The following ENDOU variants were observed in gnomAD, a reference collection of about 807,000 sequenced individuals.
ENDOU encodes endonuclease, poly(U) specific, also known as uridylate-specific endoribonuclease.
Under a neutral mutation model 54.2 loss-of-function variants are expected in ENDOU, and 49 were observed. That is an observed-to-expected ratio of 0.90 (90% confidence interval 0.72 to 1.15). The LOEUF is 1.15. Ranked by LOEUF, ENDOU falls within the 50% of genes most tolerant of loss-of-function variation. ENDOU has a pLI of 0.00. For missense variants in ENDOU, 458 were observed against 511.4 expected, an observed-to-expected ratio of 0.90 and a Z score of 1.01; for synonymous variants, 172 against 190.5, an observed-to-expected ratio of 0.90 and a Z score of 0.80.
rs200724267 is a variant in ENDOU, at chr12:47,712,621, A to G, written c.867T>C (p.Gly289=). The G allele has an allele frequency of 3.8e-5, 61 of 1,610,614 alleles. No homozygotes were observed. The highest frequency in any genetic ancestry group is 4.8e-5 in the Non-Finnish European group (57 of 1,177,366). Residue 289 remains glycine (G), a splice_region_variant and synonymous_variant, in exon 8 of 10, where the codon GGT becomes GGC. Transcript: ENST00000422538. Reference sequence around the variant, plus strand: ...CAGTAACCTTGCCTTTTTTTACCTCACCTATAATAAAGAGTCCAAGATGGA... The same window carrying G: ...CAGTAACCTTGCCTTTTTTTACCTCGCCTATAATAAAGAGTCCAAGATGGA... ...DSSGFEHVFS[G]EVKKGKVTGF...
chr12:47,724,430 G>A (rs570300442), intron 1 of ENDOU, among the ~76,000 whole-genome samples: 2 of 152,248 alleles, frequency 1.3e-5, no homozygotes, highest in East Asian at 1.9e-4. Context: ...GACCCCAAGC[G>A]GAAGTTTCTC....
chr12:47,712,574 A>C lies in ENDOU; in HGVS notation c.914T>G (p.Phe305Cys), dbSNP rs1940067976. 1.2e-6 allele frequency: 2 copies of C among 1,614,198 alleles called. No individual in the cohort carries two copies. The highest frequency in any genetic ancestry group is 1.7e-6 in the Non-Finnish European group (2 of 1,180,028). Residue 305 changes from phenylalanine (F) to cysteine (C), a missense_variant, in exon 8 of 10, where the codon TTC (phenylalanine) becomes TGC (cysteine). Coordinates refer to ENST00000422538, the MANE Select transcript of ENDOU (RefSeq NM_001172439.2). ...CAGACCCTCCTTCTCCTCCAGGTAG[A>C]AGCGGATCCAGTTATGGAAGCCAGT... Reference protein sequence around the residue: ...KVTGFHNWIRFYLEEKEGLVD... With the variant: ...KVTGFHNWIRCYLEEKEGLVD...
intron 3 of ENDOU, 179 bp downstream of exon 3, chr12:47,717,950 C>A: frequency 1.6e-6 from 1 of 635,044 alleles, no homozygotes; most frequent in Admixed American, 3.0e-5. Context: ...CCTCCCATGG[C>A]CCCCCAGGCT....
intron 1 of ENDOU, among the ~76,000 whole-genome samples, chr12:47,721,285 A>T (rs1940424664): frequency 6.6e-6 from 1 of 152,132 alleles, no homozygotes; most frequent in Non-Finnish European, 1.5e-5. Flanking sequence ...CAGTGTTGCC[A>T]GAGCCTTCCC....
Position 47,724,110 on chromosome 12 carries a change from G to C in ENDOU, c.55+1249C>G, listed in dbSNP as rs201253838. On this transcript the variant is annotated intron_variant, in intron 1 of 9. Coordinates refer to ENST00000422538, the MANE Select transcript of ENDOU (RefSeq NM_001172439.2). The stretch of plus-strand genomic sequence containing the variant: ...CACTTCTAAAGCCACTGCTACCTCT[G>C]CCCCCCAGGGACCAAATATCCAGAG... 3.5e-4 allele frequency among the ~76,000 whole-genome samples: 54 copies of C among 152,256 alleles called. No individual in the cohort carries two copies. In the East Asian group the frequency reaches 0.01, roughly 28 times the overall value.
chr12:47,711,526 G>T, intron 9 of ENDOU, 107 bp downstream of exon 9: 2 of 1,312,076 alleles, frequency 1.5e-6, no homozygotes, highest in Non-Finnish European at 2.1e-6. Context: ...ATTTGTCCAA[G>T]CCCTCTCAGC....
chr12:47,725,370 A>AG lies in ENDOU; in HGVS notation c.43dup (p.Leu15ProfsTer15). 6.2e-7 allele frequency: 1 copy of AG among 1,614,214 alleles called. No homozygotes were observed. Among genetic ancestry groups the AG allele is most frequent in the South Asian group, 1.1e-5 (1 of 91,084 alleles). On this transcript the variant is annotated frameshift_variant, in exon 1 of 10. Coordinates refer to ENST00000422538, the MANE Select transcript of ENDOU (RefSeq NM_001172439.2). LOFTEE classifies it high-confidence loss of function. ...AGATAGTGACTTACCAGCCCAGGCC[A>AG]GGCCACACAGCACGGCCAATACCAG... is the stretch of plus-strand genomic sequence containing the variant.
At chr12:47,712,704 G>T in intron 7 of ENDOU, 82 bp from the exon 8 acceptor site, 1 of 1,020,092 alleles carries the variant, frequency 9.8e-7, no homozygotes, top group African/African-American at 1.7e-5. Flanking sequence ...CCCATGCCAA[G>T]GCTTCCCCCT....
rs1940551863 is a variant in ENDOU at position 47,725,348 on chromosome 12, T to G, written c.55+11A>C. On this transcript the variant is annotated intron_variant, in intron 1 of 9. Coordinates refer to ENST00000422538, the MANE Select transcript of ENDOU (RefSeq NM_001172439.2). Reference sequence around the variant, plus strand: ...CACCAGCAATCCCATGCCCGCCAGATAGTGACTTACCAGCCCAGGCCAGGC... The same window carrying G: ...CACCAGCAATCCCATGCCCGCCAGAGAGTGACTTACCAGCCCAGGCCAGGC... 6.2e-7 allele frequency: 1 copy of G among 1,613,968 alleles called. No individual in the cohort carries two copies. Among genetic ancestry groups the G allele is most frequent in the African/African-American group, 1.3e-5 (1 of 75,020 alleles).
chr12:47,717,747 ACT>A, intron 3 of ENDOU, 92 bp from the exon 4 acceptor site: 1 of 1,358,276 alleles, frequency 7.4e-7, no homozygotes, highest in East Asian at 2.3e-5. Context: ...GGCTGTCTTC[ACT>A]CTGCCCAGTA....
At position 47,720,757 on chromosome 12, in the gene ENDOU, A is replaced by G. The variant is rs557995880; in HGVS notation, c.174T>C (p.Cys58=). The change falls in exon 2 of 10, where the codon TGT becomes TGC. Residue 58 remains cysteine, a synonymous_variant. Coordinates refer to ENST00000422538, the MANE Select transcript of ENDOU (RefSeq NM_001172439.2). The stretch of plus-strand genomic sequence containing the variant: ...TCGTCTCACAAGGAGGCTCACCAGT[A>G]CACAGATGTTCATAGTCTTCACAGC... The part of the protein sequence containing the change: ...GNCCEDYEHL[C]TEDHKESEPL... 67 of 1,536,130 alleles carry G rather than the reference A, an allele frequency of 4.4e-5. No individual in the cohort carries two copies. The East Asian group carries it at 1.3e-3, about 31-fold the overall frequency.
rs770659196 is a variant in ENDOU, at chr12:47,716,401, T to A, written c.650A>T (p.Glu217Val). The change falls in exon 6 of 10, where the codon GAG becomes GTG. Residue 217 changes from glutamate to valine, a missense_variant. Glu to Val is a moderately radical substitution (Grantham distance 121). Coordinates refer to ENST00000422538, the MANE Select transcript of ENDOU (RefSeq NM_001172439.2). ...GGCCAGCTCCTGGGCACTGAAGTGC[T>A]CCCCATGGCCTGTTGCCCGCTGGTA... is the stretch of plus-strand genomic sequence containing the variant. ...NNYQRATGHG[E>V]HFSAQELAEQ... 1 of 1,614,136 alleles carries A rather than the reference T, an allele frequency of 6.2e-7. No individual in the cohort carries two copies. The highest frequency in any genetic ancestry group is 8.5e-7 in the Non-Finnish European group (1 of 1,180,008).
At position 47,725,384 on chromosome 12, in the gene ENDOU, G is replaced by A. The variant is rs750503393; in HGVS notation, c.30C>T (p.Ala10=). MRACISLVL[A]VLCGLAWAGK... ...CAGCCCAGGCCAGGCCACACAGCAC[G>A]GCCAATACCAGGGAGATGCAGGCCC... is the stretch of plus-strand genomic sequence containing the variant. The change falls in exon 1 of 10, where the codon GCC becomes GCT. Residue 10 remains alanine, a synonymous_variant. Transcript: ENST00000422538. 5.6e-6 allele frequency: 9 copies of A among 1,614,178 alleles called. No individual in the cohort carries two copies. Among genetic ancestry groups the A allele is most frequent in the Admixed American group, 5.0e-5 (3 of 60,026 alleles).
chr12:47,712,590 G>C lies in ENDOU; in HGVS notation c.898C>G (p.His300Asp), dbSNP rs140778911. ...TCCAGGTAGAAGCGGATCCAGTTAT[G>C]GAAGCCAGTAACCTTGCCTTTTTTT... ...EVKKGKVTGF[H>D]NWIRFYLEEK... The change falls in exon 8 of 10, where the codon CAT (histidine) becomes GAT (aspartate). Residue 300 changes from histidine to aspartate, a missense_variant. His to Asp is a moderately conservative substitution (Grantham distance 81, BLOSUM62 -1). Transcript: ENST00000422538. 225 of 1,614,098 alleles carry C rather than the reference G, an allele frequency of 1.4e-4. 2 individuals are homozygous for C. In the African/African-American group the frequency reaches 2.7e-3, roughly 19 times the overall value.
chr12:47,714,733 A>C (rs1310313166), intron 6 of ENDOU, among the ~76,000 whole-genome samples: 2 of 152,194 alleles, frequency 1.3e-5, no homozygotes, highest in African/African-American at 4.8e-5. Flanking sequence ...TTTCTACACT[A>C]GGTTCTGTGT....
At position 47,712,529 on chromosome 12, in the gene ENDOU, A is replaced by T. The variant is rs765132882; in HGVS notation, c.959T>A (p.Ile320Asn). 1.2e-6 allele frequency: 2 copies of T among 1,613,090 alleles called. No individual in the cohort carries two copies. Among genetic ancestry groups the T allele is most frequent in the Non-Finnish European group, 8.5e-7 (1 of 1,179,056 alleles). Residue 320 changes from isoleucine to asparagine, a missense_variant, in exon 8 of 10, where the codon ATC becomes AAC. By Grantham distance (149) the Ile-to-Asn change is moderately radical (BLOSUM62 -3). Transcript: ENST00000422538. ...KEGLVDYYSH[I>N]YDGPWDSYPD... ...CCGTGTACTCACAGGCCCATCGTAG[A>T]TGTGACTGTAATAGTCAACCAGACC...
At chr12:47,720,134 T>C (rs543367549) in intron 2 of ENDOU, 3 of 152,440 alleles carry the variant, frequency 2.0e-5, no homozygotes, top group African/African-American at 7.2e-5. Context: ...AGATCATTAA[T>C]CTGGGAGTTG....
intron 1 of ENDOU, among the ~76,000 whole-genome samples, chr12:47,723,472 T>C (rs1488067575): frequency 6.6e-6 from 1 of 152,216 alleles, no homozygotes; most frequent in Non-Finnish European, 1.5e-5. Context: ...CCTGAATCAC[T>C]GCTGTAGTAA....
intron 5 of ENDOU, 103 bp downstream of exon 5, chr12:47,716,787 C>G (rs1940254159): frequency 8.2e-7 from 1 of 1,217,648 alleles, no homozygotes; most frequent in Non-Finnish European, 1.2e-6. Flanking sequence ...TTTCTGCTCT[C>G]CCTTTGATCG....
Sources: gnomAD v4.1 joint callset for allele counts (sites outside exome capture counted in the v4.1 genomes callset) on GRCh38, gnomAD v4.1.1 for gene constraint, MANE v1.5 for transcripts, NCBI Gene and HGNC (gene_info 2026-07-23, HGNC 2026-07-21) for gene names.